The following KCNJ6 variants were observed in gnomAD, a reference collection of about 807,000 sequenced individuals.
KCNJ6 encodes the protein potassium inwardly rectifying channel subfamily J member 6, also known as G protein-activated inward rectifier potassium channel 2.
In KCNJ6, 9 loss-of-function variants were observed where a neutral mutation model predicts 34.2. The observed-to-expected ratio is 0.26, with a 90% CI of 0.16 to 0.46. KCNJ6 has a LOEUF of 0.46. Ranked by LOEUF, KCNJ6 falls within the 20% of genes least tolerant of loss-of-function variation. KCNJ6 has a pLI of 1.00. For missense variants in KCNJ6, 236 were observed against 531.3 expected (o/e 0.44, Z 5.46); for synonymous variants, 196 against 207.1 (o/e 0.95, Z 0.46).
At chr21:37,877,874 T>C (rs987230568) in intron 1 of KCNJ6, among the ~76,000 whole-genome samples, 35 of 152,262 alleles carry the variant, frequency 2.3e-4, no homozygotes, top group Non-Finnish European at 4.4e-5. Context: ...TTCTGGCGCA[T>C]GCCGGAAGTT....
At chr21:37,804,208 G>A (rs2055282819) in intron 2 of KCNJ6, among the ~76,000 whole-genome samples, 1 of 152,098 alleles carries the variant, frequency 6.6e-6, no homozygotes, top group South Asian at 2.1e-4. Context: ...CAAGGATGTG[G>A]GGAAATTGCA....
chr21:37,875,682 G>C (rs549318404), intron 1 of KCNJ6, among the ~76,000 whole-genome samples: 2 of 152,250 alleles, frequency 1.3e-5, no homozygotes, highest in Non-Finnish European at 2.9e-5. Flanking sequence ...TTTGAACCAG[G>C]CTCAGAAGGT....
intron 3 of KCNJ6, among the ~76,000 whole-genome samples, chr21:37,708,857 G>A (rs1205570441): frequency 6.6e-6 from 1 of 152,178 alleles, no homozygotes; most frequent in Non-Finnish European, 1.5e-5. Context: ...TAAGAGCATG[G>A]TGATGCTTAC....
intron 3 of KCNJ6, among the ~76,000 whole-genome samples, chr21:37,631,478 C>T (rs1018951449): frequency 1.3e-5 from 2 of 152,160 alleles, no homozygotes; most frequent in African/African-American, 4.8e-5. Context: ...GAGGGAATAA[C>T]ACGCCTATTC....
intron 2 of KCNJ6, among the ~76,000 whole-genome samples, chr21:37,805,397 TA>T (rs1013844085): frequency 7.9e-5 from 12 of 151,154 alleles, no homozygotes; most frequent in African/African-American, 2.2e-4. Flanking sequence ...ATGATAAAAA[TA>T]AAAAAAATAC....
intron 1 of KCNJ6, among the ~76,000 whole-genome samples, chr21:37,849,278 C>T (rs1484102736): frequency 6.6e-6 from 1 of 152,176 alleles, no homozygotes; most frequent in African/African-American, 2.4e-5. Context: ...CTGTTGGTCT[C>T]ATGACTCTCA....
At chr21:37,887,952 G>A (rs866053208) in intron 1 of KCNJ6, among the ~76,000 whole-genome samples, 15 of 152,252 alleles carry the variant, frequency 9.9e-5, no homozygotes, top group African/African-American at 3.6e-4. Context: ...CTCTGAAGCT[G>A]TGTGGGCCTG....
chr21:37,908,238 A>C (rs2055850982), intron 1 of KCNJ6, among the ~76,000 whole-genome samples: 1 of 152,198 alleles, frequency 6.6e-6, no homozygotes, highest in Non-Finnish European at 1.5e-5. Context: ...TTTCTCCCTG[A>C]CATTTCTCTT....
At chr21:37,851,646 C>G (rs1054830947) in intron 1 of KCNJ6, among the ~76,000 whole-genome samples, 1 of 152,140 alleles carries the variant, frequency 6.6e-6, no homozygotes, top group Non-Finnish European at 1.5e-5. Flanking sequence ...ATGAGGAACA[C>G]CGTCCTAATC....
chr21:37,634,401 C>T (rs189025518), intron 3 of KCNJ6, among the ~76,000 whole-genome samples: 5 of 152,268 alleles, frequency 3.3e-5, no homozygotes, highest in African/African-American at 1.2e-4. Flanking sequence ...CACCAGAGGC[C>T]GGGGCCATGC....
chr21:37,840,287 T>C (rs886839181), intron 2 of KCNJ6, among the ~76,000 whole-genome samples: 7 of 152,240 alleles, frequency 4.6e-5, no homozygotes, highest in African/African-American at 1.7e-4. Flanking sequence ...TTCCTCTCTT[T>C]AGATCATCCA....
At chr21:37,737,580 C>G (rs1379478493) in intron 2 of KCNJ6, among the ~76,000 whole-genome samples, 14 of 152,202 alleles carry the variant, frequency 9.2e-5, no homozygotes, top group Admixed American at 2.6e-4. Flanking sequence ...AGTCTTCCAT[C>G]CTGGAAGGAA....
Position 37,617,048 on chromosome 21 carries a change from C to CTTTCTTTCTTTCTTTTCTTTTCT in KCNJ6, c.*8110_*8111insAGAAAAGAAAAGAAAGAAAGAAA, listed in dbSNP as rs1430185515. 2.9e-5 allele frequency: 2 copies of CTTTCTTTCTTTCTTTTCTTTTCT among 70,132 alleles called. No homozygotes were observed. The highest frequency in any genetic ancestry group is 1.0e-4 in the African/African-American group (2 of 19,652). 4.3% of individuals were successfully genotyped at this position (70,132 alleles called of 1,614,324 possible). A position where few individuals can be genotyped will look rare whatever the true frequency, so the allele number is the denominator to read the frequency against. ...TCTTTCTTTCTTTCTTTCTTTCTTT[C>CTTTCTTTCTTTCTTTTCTTTTCT]TTTCTTTTCTTTTCTTTTCTTTTCT... On this transcript the variant is annotated 3_prime_UTR_variant, in exon 4 of 4. Coordinates refer to ENST00000609713, the MANE Select transcript of KCNJ6 (RefSeq NM_002240.5).
intron 2 of KCNJ6, among the ~76,000 whole-genome samples, chr21:37,753,580 C>T (rs748406185): frequency 6.6e-6 from 1 of 152,160 alleles, no homozygotes; most frequent in Non-Finnish European, 1.5e-5. Context: ...CCTGGTTCTG[C>T]TCCTACTGTG....
intron 3 of KCNJ6, among the ~76,000 whole-genome samples, chr21:37,631,154 A>T (rs1220737845): frequency 1.3e-5 from 2 of 152,222 alleles, no homozygotes; most frequent in Non-Finnish European, 2.9e-5. Context: ...CATTTAGCAC[A>T]GTGCTTCAAC....
intron 3 of KCNJ6, among the ~76,000 whole-genome samples, chr21:37,627,804 G>A (rs1015597136): frequency 2.7e-5 from 2 of 73,586 alleles, no homozygotes; most frequent in East Asian, 6.3e-4. Context: ...GGAGGTGAAG[G>A]TTAATGCAGT....
chr21:37,896,360 G>A (rs889756074), intron 1 of KCNJ6, among the ~76,000 whole-genome samples: 1 of 152,152 alleles, frequency 6.6e-6, no homozygotes, highest in African/African-American at 2.4e-5. Flanking sequence ...CATGCTAACT[G>A]CTGAGGCTTC....
At chr21:37,775,832 G>A (rs113858812) in intron 2 of KCNJ6, among the ~76,000 whole-genome samples, 83 of 151,842 alleles carry the variant, frequency 5.5e-4, no homozygotes, top group African/African-American at 1.9e-3. Context: ...TTGGCGATGC[G>A]GGCTCTTTTT....
At chr21:37,725,307 C>T (rs904579004) in intron 2 of KCNJ6, among the ~76,000 whole-genome samples, 3 of 152,048 alleles carry the variant, frequency 2.0e-5, no homozygotes, top group East Asian at 1.9e-4. Flanking sequence ...GCAAGAGAAT[C>T]GCTTGAACCT....
Sources: gnomAD v4.1 joint callset for allele counts (sites outside exome capture counted in the v4.1 genomes callset) on GRCh38, gnomAD v4.1.1 for gene constraint, MANE v1.5 for transcripts, NCBI Gene and HGNC (gene_info 2026-07-23, HGNC 2026-07-21) for gene names.